The following PRKG2 variants were observed in gnomAD, a reference collection of about 807,000 sequenced individuals.
PRKG2 encodes the protein cGMP-dependent protein kinase 2.
A neutral mutation model predicts 97.2 loss-of-function variants in PRKG2; 33 were observed. That is an observed-to-expected ratio of 0.34 (90% confidence interval 0.26 to 0.45). PRKG2 has a LOEUF of 0.45. Among genes scored for constraint, PRKG2 ranks in the 20% least tolerant of loss-of-function variants. The pLI, the probability that PRKG2 is intolerant of heterozygous loss-of-function variation, is 1.00. For synonymous variants in PRKG2, 330 were observed against 321.8 expected (o/e 1.03, Z -0.27); for missense variants, 638 against 900.0 (o/e 0.71, Z 3.73).
chr4:81,119,199 T>A (rs891697616), intron 14 of PRKG2, among the ~76,000 whole-genome samples: 2 of 152,232 alleles, frequency 1.3e-5, no homozygotes, highest in African/African-American at 4.8e-5. Flanking sequence ...TTCATAGTCC[T>A]CTAGATTTCC....
chr4:81,167,030 A>G, intron 6 of PRKG2, 131 bp downstream of exon 6: 1 of 622,740 alleles, frequency 1.6e-6, no homozygotes, highest in Non-Finnish European at 2.6e-6. Flanking sequence ...AAGATTTTTC[A>G]CCATAGAAAA....
chr4:81,216,302 C>A (rs780157213), upstream of PRKG2, among the ~76,000 whole-genome samples: 1 of 151,260 alleles, frequency 6.6e-6, no homozygotes, highest in Non-Finnish European at 1.5e-5. Context: ...GGAGGAAAAT[C>A]GCGAAAGTAC....
intron 6 of PRKG2, among the ~76,000 whole-genome samples, chr4:81,160,076 T>A (rs1007519445): frequency 2.0e-5 from 3 of 151,880 alleles, no homozygotes; most frequent in Admixed American, 2.0e-4. Context: ...GACCTGCACA[T>A]TGTGCACATG....
At chr4:81,143,027 C>T (rs905338103) in intron 10 of PRKG2, 80 bp from the exon 11 acceptor site, 48 of 1,437,740 alleles carry the variant, frequency 3.3e-5, no homozygotes, top group Middle Eastern at 1.9e-4. Context: ...TTCACTCCTA[C>T]GACAGTCTAA....
At chr4:81,092,520 G>T in intron 17 of PRKG2, 68 bp from the exon 18 acceptor site, 1 of 944,200 alleles carries the variant, frequency 1.1e-6, no homozygotes, top group East Asian at 2.4e-5. Flanking sequence ...AAGGGAGAAA[G>T]AAAGAGACGA....
rs551841714 is a variant in PRKG2 at position 81,092,339 on chromosome 4, CA to C, written c.2193+46del. The C allele has an allele frequency of 5.6e-4, 746 of 1,326,198 alleles. 3 individuals carry two copies. The highest frequency in any genetic ancestry group is 3.9e-3 in the Middle Eastern group (16 of 4,140). 82.2% of individuals were successfully genotyped at this position (1,326,198 alleles called of 1,614,324 possible). ...CACATCTAAAATCTGTGTACAAAAACAAATCCCTGGGAAAAAAATAAAAAAG... is the reference window on the plus strand; with the variant it reads ...CACATCTAAAATCTGTGTACAAAAACAATCCCTGGGAAAAAAATAAAAAAG... On this transcript the variant is annotated intron_variant, in intron 18 of 18. Transcript: ENST00000264399.
chr4:81,173,153 G>A (rs1750640659), intron 3 of PRKG2, among the ~76,000 whole-genome samples: 1 of 152,034 alleles, frequency 6.6e-6, no homozygotes, highest in African/African-American at 2.4e-5. Flanking sequence ...TTTACTATTT[G>A]CTATTCATGC....
At chr4:81,210,920 A>AG (rs1753935653) in intron 1 of PRKG2, among the ~76,000 whole-genome samples, 2 of 152,156 alleles carry the variant, frequency 1.3e-5, no homozygotes, top group African/African-American at 4.8e-5. Context: ...TTAAATGCAT[A>AG]TTGCTGGGTG....
intron 2 of PRKG2, among the ~76,000 whole-genome samples, chr4:81,177,915 A>C: frequency 6.6e-6 from 1 of 151,746 alleles, no homozygotes; most frequent in East Asian, 2.0e-4. Flanking sequence ...CATTTCCTAC[A>C]AGGCAGTTGC....
At chr4:81,159,265 A>G (rs1749396574) in intron 6 of PRKG2, among the ~76,000 whole-genome samples, 1 of 151,398 alleles carries the variant, frequency 6.6e-6, no homozygotes, top group South Asian at 2.1e-4. Flanking sequence ...AATTTACAAG[A>G]AAAAAAAACA....
At chr4:81,152,885 A>T (rs1415965561) in intron 7 of PRKG2, among the ~76,000 whole-genome samples, 1 of 152,178 alleles carries the variant, frequency 6.6e-6, no homozygotes, top group Non-Finnish European at 1.5e-5. Context: ...CTTGGGGCCA[A>T]ATTCAAAGTT....
chr4:81,165,604 T>C (rs1749914301), intron 6 of PRKG2, among the ~76,000 whole-genome samples: 1 of 152,134 alleles, frequency 6.6e-6, no homozygotes, highest in African/African-American at 2.4e-5. Flanking sequence ...TTTTCACACA[T>C]CACAGAGACA....
intron 6 of PRKG2, among the ~76,000 whole-genome samples, chr4:81,155,749 G>T (rs575383403): frequency 1.3e-5 from 2 of 151,938 alleles, no homozygotes; most frequent in South Asian, 2.1e-4. Flanking sequence ...AACTCTACAA[G>T]CCAGAAGAGA....
chr4:81,098,580 A>G (rs540658294), intron 17 of PRKG2, among the ~76,000 whole-genome samples: 1 of 152,158 alleles, frequency 6.6e-6, no homozygotes, highest in Non-Finnish European at 1.5e-5. Context: ...TTTTACTTCA[A>G]TACTTAGAGG....
In PRKG2 at chr4:81,105,871, T is replaced by C. The variant is rs1560539719; in HGVS notation, c.2005A>G (p.Met669Val). ...CGTGTTATCTTCCTGGGAAAATCCA[T>C]TTTTTCAATTCCTTTGAGAATCAAA... ...YNLILKGIEKMDFPRKITRRP... is the reference protein window; with the variant it reads ...YNLILKGIEKVDFPRKITRRP... Residue 669 changes from methionine (M) to valine (V), a missense_variant, in exon 16 of 19, where the codon ATG (methionine) becomes GTG (valine). Met to Val is a conservative substitution (Grantham distance 21). Transcript: ENST00000264399. 6.2e-7 allele frequency: 1 copy of C among 1,613,848 alleles called. No individual in the cohort carries two copies. The highest frequency in any genetic ancestry group is 8.5e-7 in the Non-Finnish European group (1 of 1,179,802).
intron 1 of PRKG2, among the ~76,000 whole-genome samples, chr4:81,208,379 G>A (rs1221902663): frequency 2.0e-5 from 3 of 152,104 alleles, no homozygotes; most frequent in African/African-American, 7.2e-5. Context: ...TTCTGGGTAG[G>A]ACAGAAGTCT....
chr4:81,137,532 A>G, intron 12 of PRKG2, 50 bp from the exon 13 acceptor site: 2 of 1,466,084 alleles, frequency 1.4e-6, no homozygotes, highest in Admixed American at 3.4e-5. Flanking sequence ...TAGTTTAAAA[A>G]CCTTTTTAAA....
At chr4:81,162,777 C>T (rs1168499648) in intron 6 of PRKG2, among the ~76,000 whole-genome samples, 2 of 152,164 alleles carry the variant, frequency 1.3e-5, no homozygotes, top group African/African-American at 4.8e-5. Flanking sequence ...GTCTTCACCA[C>T]ATAGCTAACA....
intron 14 of PRKG2, among the ~76,000 whole-genome samples, chr4:81,117,593 C>T (rs1213687752): frequency 2.0e-5 from 3 of 151,992 alleles, no homozygotes; most frequent in Admixed American, 6.6e-5. Context: ...TGTAGAAATA[C>T]GTTAAAATTC....
Sources: gnomAD v4.1 joint callset for allele counts (sites outside exome capture counted in the v4.1 genomes callset) on GRCh38, gnomAD v4.1.1 for gene constraint, MANE v1.5 for transcripts, NCBI Gene and HGNC (gene_info 2026-07-23, HGNC 2026-07-21) for gene names.